RAPGEF6: variants seen among roughly 807,000 people sequenced by gnomAD.
RAPGEF6 encodes Rap guanine nucleotide exchange factor 6.
A neutral mutation model predicts 171.4 loss-of-function variants in RAPGEF6; 56 were observed. The ratio of observed to expected loss-of-function variants is 0.33; its 90% CI spans 0.26 to 0.41. The LOEUF (loss-of-function observed/expected upper bound fraction) is 0.41, where lower values mean the gene tolerates loss of function less well. RAPGEF6 is among the 10% of genes least tolerant of loss of function. The pLI is 1.00. For missense variants in RAPGEF6, 1,674 were observed against 1,921.4 expected (o/e 0.87, Z 2.41); for synonymous variants, 692 against 650.1 (o/e 1.06, Z -0.98).
At chr5:131,509,499 C>T (rs1239034845) in intron 8 of RAPGEF6, among the ~76,000 whole-genome samples, 4 of 151,670 alleles carry the variant, frequency 2.6e-5, no homozygotes, top group South Asian at 2.1e-4. Flanking sequence ...GCCAAGATTG[C>T]GCCACTGCAC....
chr5:131,547,203 C>T (rs1329171077), intron 6 of RAPGEF6, among the ~76,000 whole-genome samples: 1 of 152,182 alleles, frequency 6.6e-6, no homozygotes, highest in African/African-American at 2.4e-5. Flanking sequence ...CTCCTAACAC[C>T]TAACATGGAA....
chr5:131,447,943 G>A (rs1580837306), intron 21 of RAPGEF6, among the ~76,000 whole-genome samples: 1 of 152,190 alleles, frequency 6.6e-6, no homozygotes, highest in East Asian at 1.9e-4. Context: ...TGGCTTGAAA[G>A]AAAATCCAAA....
chr5:131,556,893 A>G (rs897417174), intron 5 of RAPGEF6, among the ~76,000 whole-genome samples: 2 of 151,994 alleles, frequency 1.3e-5, no homozygotes, highest in Non-Finnish European at 2.9e-5. Flanking sequence ...TTCAAGTTTA[A>G]TTTTTTTATT....
At chr5:131,592,121 G>A (rs562882429) in intron 4 of RAPGEF6, among the ~76,000 whole-genome samples, 1 of 152,162 alleles carries the variant, frequency 6.6e-6, no homozygotes, top group African/African-American at 2.4e-5. Context: ...CTCCCAAAGT[G>A]CTGGGATTAC....
At chr5:131,437,302 G>C (rs866416507) in intron 24 of RAPGEF6, among the ~76,000 whole-genome samples, 1 of 152,276 alleles carries the variant, frequency 6.6e-6, no homozygotes, top group South Asian at 2.1e-4. Flanking sequence ...TTCTCTATTC[G>C]AGTGTTGAGT....
Position 131,462,051 on chromosome 5 carries a change from A to G in RAPGEF6, c.2518T>C (p.Cys840Arg). 6.3e-7 allele frequency: 1 copy of G among 1,590,292 alleles called. No homozygotes were observed. The highest frequency in any genetic ancestry group is 1.7e-4 in the Middle Eastern group (1 of 5,956). ...LKNNMETETL[C>R]SDEDAQELVK... ...AGTTCTTGAGCATCTTCATCTGAAC[A>G]TAAGGTTTCTGTTTCCATGTTATTT... The change falls in exon 19 of 28, where the codon TGT becomes CGT. Residue 840 changes from cysteine to arginine, a missense_variant. Around this residue, in one of 3 missense-constraint regions of RAPGEF6, gnomAD observed 1,116 missense variants for 1,321.5 expected, o/e 0.84. Coordinates refer to ENST00000509018, the MANE Select transcript of RAPGEF6 (RefSeq NM_016340.6).
intron 4 of RAPGEF6, among the ~76,000 whole-genome samples, chr5:131,571,851 C>T (rs1762310693): frequency 6.6e-6 from 1 of 152,110 alleles, no homozygotes; most frequent in Admixed American, 6.5e-5. Flanking sequence ...GACATTCCCG[C>T]CACCACCGCC....
rs992805593 is a variant in RAPGEF6, at chr5:131,634,797, C to G, written c.69+165G>C. On this transcript the variant is annotated intron_variant, in intron 1 of 27. Coordinates refer to ENST00000509018, the MANE Select transcript of RAPGEF6 (RefSeq NM_016340.6). ...TCACAGGCAGGAAGGGCGGTCGGCA[C>G]CCTGCTGGCGACAAGGGCCTGGGTC... Among the ~76,000 whole-genome samples the G allele has an allele frequency of 2.0e-5, 3 of 152,316 alleles. No homozygotes were observed. The East Asian group carries it at 5.8e-4, about 29-fold the overall frequency.
chr5:131,498,797 TGAGA>T (rs1756815900), intron 11 of RAPGEF6, among the ~76,000 whole-genome samples, 190 bp from the exon 12 acceptor site: 1 of 152,200 alleles, frequency 6.6e-6, no homozygotes. Flanking sequence ...ACCCAGAGGT[TGAGA>T]GACAGAAAAG....
At position 131,433,612 on chromosome 5, in the gene RAPGEF6, G is replaced by A. The variant is rs1360091365; in HGVS notation, c.3792C>T (p.Ser1264=). The A allele has an allele frequency of 2.5e-6, 4 of 1,613,590 alleles. No individual in the cohort carries two copies. The highest frequency in any genetic ancestry group is 1.7e-5 in the Admixed American group (1 of 60,002). ...ACCGTGAAGAAATCTCACTATGGCT[G>A]GAGTCAGACAAGTTGTCAGATTTAG... ...PSAKSDNLSD[S]SHSEISSRSS... The change falls in exon 25 of 28, where the codon TCC becomes TCT. Residue 1264 remains serine (S), a synonymous_variant. Transcript: ENST00000509018.
intron 4 of RAPGEF6, among the ~76,000 whole-genome samples, chr5:131,566,721 C>CA (rs745835226): frequency 2.0e-5 from 3 of 151,420 alleles, no homozygotes; most frequent in Non-Finnish European, 4.4e-5. Flanking sequence ...TCTCTGTACT[C>CA]AAAGTTTCTT....
chr5:131,623,331 A>T (rs1327860569), intron 1 of RAPGEF6, among the ~76,000 whole-genome samples: 2 of 152,236 alleles, frequency 1.3e-5, no homozygotes, highest in African/African-American at 4.8e-5. Context: ...TGTTTATGGC[A>T]ACTCTACTTT....
chr5:131,440,261 A>G (rs1305462608), intron 23 of RAPGEF6: 2 of 456,288 alleles, frequency 4.4e-6, no homozygotes, highest in Admixed American at 2.3e-5. Context: ...AGAAAAAATC[A>G]TGAATGTATA....
chr5:131,584,548 G>C (rs531755185), intron 4 of RAPGEF6, among the ~76,000 whole-genome samples: 3 of 152,296 alleles, frequency 2.0e-5, no homozygotes, highest in Admixed American at 1.3e-4. Context: ...CTAAGCTGTA[G>C]ACATAAATGA....
intron 7 of RAPGEF6, among the ~76,000 whole-genome samples, chr5:131,517,817 ACAC>A: frequency 6.8e-6 from 1 of 146,684 alleles, no homozygotes; most frequent in Non-Finnish European, 1.5e-5. Context: ...ACACACACAC[ACAC>A]ACAAAATTTA....
rs1225050407 is a variant in RAPGEF6, at chr5:131,440,128, T to G, written c.3611-413A>C. 1.6e-5 allele frequency: 7 copies of G among 435,204 alleles called. No homozygotes were observed. In the Admixed American group the frequency reaches 1.8e-4, roughly 11 times the overall value. The allele number at this position is 435,204 out of a possible 1,614,324, so 27.0% of individuals were successfully genotyped here. A position where few individuals can be genotyped will look rare whatever the true frequency, so the allele number is the denominator to read the frequency against. ...GCATGTGGCAGGGGCAGTGTGGGGA[T>G]GTTGGCACTGTCACTACCTGTGGTG... is the stretch of plus-strand genomic sequence containing the variant. On this transcript the variant is annotated intron_variant, in intron 23 of 27. Transcript: ENST00000509018.
At chr5:131,489,689 A>T in intron 14 of RAPGEF6, 35 bp from the exon 15 acceptor site, 4 of 1,196,264 alleles carry the variant, frequency 3.3e-6, no homozygotes, top group Non-Finnish European at 4.8e-6. Context: ...ATTAATACAG[A>T]ACAGTATTAG....
intron 4 of RAPGEF6, among the ~76,000 whole-genome samples, chr5:131,566,237 A>C (rs190056515): frequency 8.4e-4 from 128 of 152,204 alleles, no homozygotes; most frequent in African/African-American, 3.0e-3. Context: ...CATTCCCTAT[A>C]TCAGAAAGTT....
intron 17 of RAPGEF6, chr5:131,472,370 C>T: frequency 1.6e-6 from 1 of 633,388 alleles, no homozygotes; most frequent in Non-Finnish European, 2.8e-6. Flanking sequence ...TGCGCCTGGC[C>T]AGAGGTAGTC....
Sources: allele counts gnomAD v4.1 joint callset (sites outside exome capture counted in the v4.1 genomes callset), GRCh38; gene constraint gnomAD v4.1.1; regional missense constraint gnomAD v4.1.1; transcripts MANE v1.5; gene names NCBI Gene and HGNC (gene_info 2026-07-23, HGNC 2026-07-21).